The following ST6GALNAC3 variants were observed in gnomAD, a reference collection of about 807,000 sequenced individuals.
The protein encoded by ST6GALNAC3 is ST6 N-acetylgalactosaminide alpha-2,6-sialyltransferase 3, also known as alpha-N-acetylgalactosaminide alpha-2,6-sialyltransferase 3.
In ST6GALNAC3, 25 loss-of-function variants were observed where a neutral mutation model predicts 32.7. The observed-to-expected ratio is 0.76, with a 90% CI of 0.56 to 1.07. The LOEUF is 1.07. Among genes scored for constraint, ST6GALNAC3 ranks in the 50% least tolerant of loss-of-function variants. The pLI is 0.00. For synonymous variants in ST6GALNAC3, 129 were observed against 133.1 expected, an observed-to-expected ratio of 0.97 and a Z score of 0.21; for missense variants, 355 against 382.4, an observed-to-expected ratio of 0.93 and a Z score of 0.60.
intron 3 of ST6GALNAC3, among the ~76,000 whole-genome samples, chr1:76,512,343 A>G (rs1174051245): frequency 2.0e-5 from 3 of 152,078 alleles, no homozygotes; most frequent in Non-Finnish European, 4.4e-5. Flanking sequence ...TACACCATGT[A>G]TTTATGTGTT....
intron 3 of ST6GALNAC3, among the ~76,000 whole-genome samples, chr1:76,532,227 G>A (rs556381257): frequency 6.6e-6 from 1 of 152,168 alleles, no homozygotes; most frequent in Non-Finnish European, 1.5e-5. Context: ...CACCCACCCA[G>A]GGAAGGTATT....
At chr1:76,499,242 G>T (rs560784445) in intron 3 of ST6GALNAC3, among the ~76,000 whole-genome samples, 108 of 152,296 alleles carry the variant, frequency 7.1e-4, no homozygotes, top group African/African-American at 2.5e-3. Context: ...CTGTTGGTGG[G>T]AGTATAATTT....
chr1:76,168,938 C>T (rs1652300884), intron 1 of ST6GALNAC3, among the ~76,000 whole-genome samples: 1 of 152,084 alleles, frequency 6.6e-6, no homozygotes, highest in Admixed American at 6.5e-5. Flanking sequence ...ACCTGGGGCA[C>T]TTAGCCCATT....
intron 1 of ST6GALNAC3, among the ~76,000 whole-genome samples, chr1:76,280,354 A>G (rs530420789): frequency 2.0e-5 from 3 of 152,328 alleles, no homozygotes; most frequent in South Asian, 4.1e-4. Context: ...GTTACTCTCC[A>G]ATGTCTCTCT....
rs534039503 is a variant in ST6GALNAC3 at position 76,274,142 on chromosome 1, A to G, written c.19-39663A>G. ...AGTTTTGCTTAGGTGTCATCTCTCA[A>G]TAATAAAAACTTCTCAAACTATGGA... is the stretch of plus-strand genomic sequence containing the variant. On this transcript the variant is annotated intron_variant, in intron 1 of 4. Coordinates refer to ENST00000328299, the MANE Select transcript of ST6GALNAC3 (RefSeq NM_152996.4). 2.6e-5 allele frequency among the ~76,000 whole-genome samples: 4 copies of G among 152,356 alleles called. No individual in the cohort carries two copies. The South Asian group carries it at 8.3e-4, about 32-fold the overall frequency.
At chr1:76,451,081 G>A (rs1263206012) in intron 3 of ST6GALNAC3, among the ~76,000 whole-genome samples, 7 of 152,138 alleles carry the variant, frequency 4.6e-5, no homozygotes, top group African/African-American at 1.7e-4. Flanking sequence ...TTCTAGTTCT[G>A]TGAAGAACGA....
chr1:76,559,769 G>A (rs1665139376), intron 3 of ST6GALNAC3, among the ~76,000 whole-genome samples: 2 of 152,162 alleles, frequency 1.3e-5, no homozygotes, highest in South Asian at 2.1e-4. Flanking sequence ...TGAAGAGGCA[G>A]GAAAAACAGC....
rs1423715090 is a variant in ST6GALNAC3 at position 76,630,650 on chromosome 1, A to AAAG, written c.*1845_*1847dup. The AAAG allele has an allele frequency of 4.1e-6, 4 of 985,542 alleles. No homozygotes were observed. In the African/African-American group the frequency reaches 7.0e-5, roughly 17 times the overall value. The allele number at this position is 985,542 out of a possible 1,614,324, so 61.0% of individuals were successfully genotyped here. A position where few individuals can be genotyped will look rare whatever the true frequency, so the allele number is the denominator to read the frequency against. ...CTAAGTATTATGGTGAGCTATCATT[A>AAAG]AAGTGTGCCATCTTGGATAAAGGCC... On this transcript the variant is annotated 3_prime_UTR_variant, in exon 5 of 5. Transcript: ENST00000328299.
chr1:76,163,889 C>G (rs912208032), intron 1 of ST6GALNAC3, among the ~76,000 whole-genome samples: 40 of 152,168 alleles, frequency 2.6e-4, no homozygotes, highest in African/African-American at 9.7e-4. Flanking sequence ...AAGTTAAAAA[C>G]TGTTACGGCC....
chr1:76,191,873 A>G (rs1379720589), intron 1 of ST6GALNAC3, among the ~76,000 whole-genome samples: 3 of 152,126 alleles, frequency 2.0e-5, no homozygotes, highest in Non-Finnish European at 2.9e-5. Context: ...TGAGAGTAGT[A>G]AAAAATGGTG....
rs189839664 is a variant in ST6GALNAC3 at position 76,197,977 on chromosome 1, C to T, written c.19-115828C>T. 4.6e-5 allele frequency among the ~76,000 whole-genome samples: 7 copies of T among 152,284 alleles called. No homozygotes were observed. In the East Asian group the frequency reaches 1.4e-3, roughly 29 times the overall value. On this transcript the variant is annotated intron_variant, in intron 1 of 4. Coordinates refer to ENST00000328299, the MANE Select transcript of ST6GALNAC3 (RefSeq NM_152996.4). ...AATGTACCTTGTGGAAGTAAAATTG[C>T]CCCTGGTTGAAAACAACTGTTACAG...
At chr1:76,530,287 C>T (rs941776542) in intron 3 of ST6GALNAC3, among the ~76,000 whole-genome samples, 2 of 152,168 alleles carry the variant, frequency 1.3e-5, no homozygotes, top group African/African-American at 4.8e-5. Context: ...CCTGATTAAT[C>T]GTAGTACTTC....
chr1:76,274,968 C>T (rs1557744787), intron 1 of ST6GALNAC3, among the ~76,000 whole-genome samples: 1 of 152,104 alleles, frequency 6.6e-6, no homozygotes, highest in South Asian at 2.1e-4. Context: ...TAAATGGAGC[C>T]CAGGGTTCTG....
At chr1:76,396,714 T>C (rs1380572748) in intron 2 of ST6GALNAC3, among the ~76,000 whole-genome samples, 2 of 152,228 alleles carry the variant, frequency 1.3e-5, no homozygotes, top group African/African-American at 2.4e-5. Context: ...ATCCCATAGA[T>C]AGTCTATAGT....
rs1649415250 is a variant in ST6GALNAC3 at position 76,356,051 on chromosome 1, TA to T, written c.213+42053del. 2.0e-5 allele frequency among the ~76,000 whole-genome samples: 3 copies of T among 152,272 alleles called. No individual in the cohort carries two copies. In the South Asian group the frequency reaches 6.2e-4, roughly 32 times the overall value. Reference sequence around the variant, plus strand: ...TCAGGTTCTAAAACATTACATTAACTATAATGTCCCAAACCTCCTTCTTGGC... The same window carrying T: ...TCAGGTTCTAAAACATTACATTAACTTAATGTCCCAAACCTCCTTCTTGGC... On this transcript the variant is annotated intron_variant, in intron 2 of 4. Transcript: ENST00000328299.
At chr1:76,326,199 G>A (rs1006407250) in intron 2 of ST6GALNAC3, among the ~76,000 whole-genome samples, 1 of 152,142 alleles carries the variant, frequency 6.6e-6, no homozygotes, top group Non-Finnish European at 1.5e-5. Flanking sequence ...TGAGCCACCT[G>A]GGGCATATTC....
intron 1 of ST6GALNAC3, among the ~76,000 whole-genome samples, chr1:76,159,631 A>G (rs72674458): frequency 0.053 from 8,079 of 152,326 alleles, 281 homozygotes; most frequent in Middle Eastern, 0.1. Flanking sequence ...ACACTGTGTT[A>G]GGGAAGATGA....
In ST6GALNAC3 at chr1:76,359,645, T is replaced by C. The variant is rs1357484288; in HGVS notation, c.213+45646T>C. ...GTTATTTAAGCCACTCAGTTTCTAA[T>C]ACTTTGTTACAGCAGCCCTAGAAAA... On this transcript the variant is annotated intron_variant, in intron 2 of 4. Coordinates refer to ENST00000328299, the MANE Select transcript of ST6GALNAC3 (RefSeq NM_152996.4). 2.0e-5 allele frequency among the ~76,000 whole-genome samples: 3 copies of C among 152,180 alleles called. No individual in the cohort carries two copies. The East Asian group carries it at 5.8e-4, about 29-fold the overall frequency.
In ST6GALNAC3 at chr1:76,401,010, T is replaced by C. The variant is rs940003750; in HGVS notation, c.214-10998T>C. 2.0e-5 allele frequency among the ~76,000 whole-genome samples: 3 copies of C among 152,212 alleles called. No homozygotes were observed. In the South Asian group the frequency reaches 6.2e-4, roughly 31 times the overall value. On this transcript the variant is annotated intron_variant, in intron 2 of 4. Coordinates refer to ENST00000328299, the MANE Select transcript of ST6GALNAC3 (RefSeq NM_152996.4). ...TTATAAAATTTCCTCTTTGTTTTTG[T>C]ATGATGAAGCTTTACTATAATGTTT...
Sources: allele counts gnomAD v4.1 joint callset (sites outside exome capture counted in the v4.1 genomes callset), GRCh38; gene constraint gnomAD v4.1.1; transcripts MANE v1.5; gene names NCBI Gene and HGNC (gene_info 2026-07-23, HGNC 2026-07-21).